The following PLA2R1 variants were observed in gnomAD, a reference collection of about 807,000 sequenced individuals.
PLA2R1 encodes phospholipase A2 receptor 1.
In PLA2R1, 158 loss-of-function variants were observed where a neutral mutation model predicts 195.9. The observed-to-expected ratio is 0.81, with a 90% confidence interval of 0.71 to 0.92. PLA2R1 has a LOEUF of 0.92. PLA2R1 is among the 40% of genes least tolerant of loss of function. The pLI is 0.00. For synonymous variants in PLA2R1, 586 were observed against 598.2 expected (o/e 0.98, Z 0.30); for missense variants, 1,626 against 1,764.6 (o/e 0.92, Z 1.41).
chr2:159,971,475 CACACACACACACAT>C (rs1689177462), intron 17 of PLA2R1, among the ~76,000 whole-genome samples: 1 of 124,998 alleles, frequency 8.0e-6, no homozygotes, highest in Non-Finnish European at 2.0e-5. Flanking sequence ...TGTGTGCGCG[CACACACACACACAT>C]ACACACACAC....
chr2:159,983,835 T>G, intron 13 of PLA2R1, 93 bp downstream of exon 13: 1 of 613,206 alleles, frequency 1.6e-6, no homozygotes, highest in Non-Finnish European at 2.8e-6. Flanking sequence ...ATATGGGAAT[T>G]TTAAACAACT....
chr2:160,036,068 C>G (rs113700000), intron 3 of PLA2R1, among the ~76,000 whole-genome samples: 3,507 of 152,244 alleles, frequency 0.023, 60 homozygotes, highest in Non-Finnish European at 0.037. Context: ...ATGTTGGAGG[C>G]CTTAAGACTT....
At chr2:160,018,996 A>AC (rs1183369165) in intron 8 of PLA2R1, among the ~76,000 whole-genome samples, 1 of 152,172 alleles carries the variant, frequency 6.6e-6, no homozygotes, top group Non-Finnish European at 1.5e-5. Flanking sequence ...CAACCCCCTA[A>AC]AACTCAGCCA....
At chr2:160,060,408 G>GT (rs1228776268) in intron 1 of PLA2R1, among the ~76,000 whole-genome samples, 4 of 152,122 alleles carry the variant, frequency 2.6e-5, no homozygotes, top group Non-Finnish European at 4.4e-5. Flanking sequence ...TGTATTGACA[G>GT]TAAAAACTTG....
chr2:159,989,799 G>T (rs1471557395), intron 11 of PLA2R1, among the ~76,000 whole-genome samples: 4 of 152,104 alleles, frequency 2.6e-5, no homozygotes, highest in Non-Finnish European at 5.9e-5. Flanking sequence ...CATATTCAAA[G>T]AATTTTTCAA....
chr2:159,968,375 A>C (rs1227113507), intron 19 of PLA2R1, among the ~76,000 whole-genome samples: 1 of 152,202 alleles, frequency 6.6e-6, no homozygotes, highest in African/African-American at 2.4e-5. Context: ...CTAGATCAGG[A>C]ATATGAGCCC....
intron 1 of PLA2R1, among the ~76,000 whole-genome samples, chr2:160,057,717 C>A (rs1695651555): frequency 6.6e-6 from 1 of 152,178 alleles, no homozygotes; most frequent in Non-Finnish European, 1.5e-5. Flanking sequence ...GGACTCTCAG[C>A]CTCTTGGGGC....
rs1686735682 is a variant in PLA2R1 at position 159,934,649 on chromosome 2, T to C, written c.*7129A>G. 6.6e-6 allele frequency: 1 copy of C among 152,224 alleles called. No homozygotes were observed. Among genetic ancestry groups the C allele is most frequent in the South Asian group, 2.1e-4 (1 of 4,834 alleles). 9.4% of individuals were successfully genotyped at this position (152,224 alleles called of 1,614,324 possible). A position where few individuals can be genotyped will look rare whatever the true frequency, so the allele number is the denominator to read the frequency against. On this transcript the variant is annotated 3_prime_UTR_variant, in exon 30 of 30. Coordinates refer to ENST00000283243, the MANE Select transcript of PLA2R1 (RefSeq NM_007366.5). ...AAAGTGCCTTATCACCCTTTTAATA[T>C]ATCCAGTGGTGTCTAATATCATAGC...
intron 1 of PLA2R1, among the ~76,000 whole-genome samples, chr2:160,053,407 T>C (rs910990355): frequency 2.0e-5 from 3 of 151,744 alleles, no homozygotes; most frequent in African/African-American, 7.3e-5. Flanking sequence ...TCAGGCTGTC[T>C]ACATCATTTG....
chr2:160,040,742 T>C (rs1201630783), intron 3 of PLA2R1, among the ~76,000 whole-genome samples: 1 of 152,208 alleles, frequency 6.6e-6, no homozygotes, highest in Admixed American at 6.5e-5. Flanking sequence ...CCACTATGCA[T>C]AGCTTAGTGC....
intron 15 of PLA2R1, 114 bp from the exon 16 acceptor site, chr2:159,976,834 T>C: frequency 1.3e-6 from 1 of 782,342 alleles, no homozygotes; most frequent in Non-Finnish European, 2.2e-6. Flanking sequence ...AACATCACTT[T>C]AAAACAGGTA....
rs1687087055 is a variant in PLA2R1 at position 159,941,563 on chromosome 2, C to A, written c.*215G>T. ...AAAAATAACCAATGCATAATTTACC[C>A]CTTTTAAGAATGGATCACAGTTTAG... On this transcript the variant is annotated 3_prime_UTR_variant, in exon 30 of 30. Transcript: ENST00000283243. The A allele has an allele frequency of 1.3e-5, 5 of 389,598 alleles. No homozygotes were observed. Among genetic ancestry groups the A allele is most frequent in the Non-Finnish European group, 2.3e-5 (5 of 217,998 alleles). 24.1% of individuals were successfully genotyped at this position (389,598 alleles called of 1,614,324 possible). A position where few individuals can be genotyped will look rare whatever the true frequency, so the allele number is the denominator to read the frequency against.
At chr2:159,965,324 T>C (rs1473790206) in intron 20 of PLA2R1, among the ~76,000 whole-genome samples, 1 of 152,192 alleles carries the variant, frequency 6.6e-6, no homozygotes, top group Non-Finnish European at 1.5e-5. Context: ...CTGCAACACC[T>C]GGCAACCACT....
chr2:159,983,791 ATATT>A (rs1690134766), intron 13 of PLA2R1, 133 bp downstream of exon 13: 4 of 522,578 alleles, frequency 7.7e-6, no homozygotes, highest in African/African-American at 1.9e-5. Context: ...AACTATATGT[ATATT>A]TATTTTTCTT....
At chr2:159,980,413 C>T (rs1283020537) in intron 13 of PLA2R1, among the ~76,000 whole-genome samples, 1 of 152,218 alleles carries the variant, frequency 6.6e-6, no homozygotes, top group Non-Finnish European at 1.5e-5. Flanking sequence ...TGTGTGTTTG[C>T]TACTTCACTA....
At chr2:159,990,387 C>T (rs887597398) in intron 11 of PLA2R1, among the ~76,000 whole-genome samples, 5 of 152,180 alleles carry the variant, frequency 3.3e-5, no homozygotes, top group African/African-American at 9.7e-5. Context: ...TTCTGATTCA[C>T]CAAGTTATCT....
chr2:159,969,823 G>A (rs1689036119), intron 18 of PLA2R1, among the ~76,000 whole-genome samples: 1 of 152,160 alleles, frequency 6.6e-6, no homozygotes, highest in African/African-American at 2.4e-5. Context: ...GATTACAGGT[G>A]TGAACCACCG....
intron 1 of PLA2R1, among the ~76,000 whole-genome samples, chr2:160,053,361 A>G (rs1695336672): frequency 3.0e-5 from 4 of 133,774 alleles, no homozygotes; most frequent in African/African-American, 5.6e-5. Context: ...GGGGGGGGGG[A>G]ACAATTCAGA....
At chr2:160,034,199 T>A (rs4665140) in intron 3 of PLA2R1, among the ~76,000 whole-genome samples, 53,649 of 152,002 alleles carry the variant, frequency 0.35, 11,791 homozygotes, top group Non-Finnish European at 0.5. Flanking sequence ...TCCTCCCTCA[T>A]AACAGTTAGA....
Sources: allele counts gnomAD v4.1 joint callset (sites outside exome capture counted in the v4.1 genomes callset), GRCh38; gene constraint gnomAD v4.1.1; transcripts MANE v1.5; gene names NCBI Gene and HGNC (gene_info 2026-07-23, HGNC 2026-07-21).